The following FREM2 variants were observed in gnomAD, a reference collection of about 807,000 sequenced individuals.
The protein encoded by FREM2 is FRAS1-related extracellular matrix protein 2.
Under a neutral mutation model 219.9 loss-of-function variants are expected in FREM2, and 119 were observed. The ratio of observed to expected loss-of-function variants is 0.54; its 90% confidence interval spans 0.47 to 0.63. The LOEUF (loss-of-function observed/expected upper bound fraction) is 0.63. Among genes scored for constraint, FREM2 ranks in the 30% least tolerant of loss-of-function variants. The pLI is 0.00. For synonymous variants in FREM2, 1,562 were observed against 1,522.8 expected (o/e 1.03, Z -0.60); for missense variants, 4,030 against 3,993.6 (o/e 1.01, Z -0.25).
Position 38,769,813 on chromosome 13 carries a change from G to A in FREM2, c.5641+5G>A. 1 of 1,607,550 alleles carries A rather than the reference G, an allele frequency of 6.2e-7. No individual in the cohort carries two copies. The highest frequency in any genetic ancestry group is 8.5e-7 in the Non-Finnish European group (1 of 1,174,074). On this transcript the variant is annotated splice_donor_5th_base_variant and intron_variant, in intron 4 of 23. Transcript: ENST00000280481. ...AGATCGTTGATCCAGGAGATGGTAA[G>A]AGCCATCGTCAACTGGTTTATGTTG... is the stretch of plus-strand genomic sequence containing the variant.
At chr13:38,753,628 G>C (rs1872866383) in intron 2 of FREM2, among the ~76,000 whole-genome samples, 1 of 152,174 alleles carries the variant, frequency 6.6e-6, no homozygotes. Flanking sequence ...GTGTTAAAAT[G>C]ACAAAATTAG....
chr13:38,735,848 C>T (rs568357435), intron 2 of FREM2, among the ~76,000 whole-genome samples: 31 of 152,232 alleles, frequency 2.0e-4, no homozygotes, highest in African/African-American at 7.2e-4. Flanking sequence ...GAGGAGCCAT[C>T]GCCACCAGTA....
intron 2 of FREM2, among the ~76,000 whole-genome samples, chr13:38,762,627 C>A (rs995414570): frequency 2.6e-5 from 4 of 151,808 alleles, no homozygotes; most frequent in Admixed American, 6.6e-5. Context: ...TTAGTAGAGA[C>A]GGGGTTTCTC....
At chr13:38,796,942 G>A (rs1056005601) in intron 6 of FREM2, among the ~76,000 whole-genome samples, 1 of 151,922 alleles carries the variant, frequency 6.6e-6, no homozygotes, top group African/African-American at 2.4e-5. Context: ...GTGCAGTGGT[G>A]CAATGATAGC....
At position 38,690,243 on chromosome 13, in the gene FREM2, A is replaced by G; in HGVS notation, c.2899A>G (p.Asn967Asp). ...LENGATEITA[N>D]VIKGTNEETD... is the part of the protein sequence containing the mutation. ...AAATGGGGCTACTGAAATCACTGCC[A>G]ATGTTATTAAGGGGACCAATGAGGA... is the stretch of plus-strand genomic sequence containing the variant. The change falls in exon 1 of 24, where the codon AAT becomes GAT. Residue 967 changes from asparagine (N) to aspartate (D), a missense_variant. Physicochemically the swap from Asn to Asp is conservative, Grantham distance 23. Around this residue, in one of 2 missense-constraint regions of FREM2, gnomAD observed 3,102 missense variants for 2,950.7 expected, o/e 1.05. Transcript: ENST00000280481. 2 of 1,614,180 alleles carry G rather than the reference A, an allele frequency of 1.2e-6. No homozygotes were observed. Among genetic ancestry groups the G allele is most frequent in the Non-Finnish European group, 1.7e-6 (2 of 1,180,032 alleles).
rs1450860559 is a variant in FREM2, at chr13:38,687,383, G to T, written c.39G>T (p.Arg13=). The change falls in exon 1 of 24, where the codon CGG becomes CGT. Residue 13 remains arginine (R), a synonymous_variant. Transcript: ENST00000280481. ...GGACTCCCGGGTTATCCTCGCGCCGGACAGGCAACTCCACCAGCTTTCAAC... is the reference window on the plus strand; with the variant it reads ...GGACTCCCGGGTTATCCTCGCGCCGTACAGGCAACTCCACCAGCTTTCAAC... ...SAGTPGLSSR[R]TGNSTSFQPG... is the part of the protein sequence containing the mutation. 1 of 1,608,930 alleles carries T rather than the reference G, an allele frequency of 6.2e-7. No homozygotes were observed. Among genetic ancestry groups the T allele is most frequent in the Admixed American group, 1.7e-5 (1 of 59,596 alleles).
chr13:38,739,731 C>T (rs747477938), intron 2 of FREM2, among the ~76,000 whole-genome samples: 5 of 152,012 alleles, frequency 3.3e-5, no homozygotes, highest in Non-Finnish European at 7.4e-5. Flanking sequence ...TCATCTACTT[C>T]CCAGAGAGAT....
At chr13:38,788,660 A>G (rs1874430628) in intron 6 of FREM2, among the ~76,000 whole-genome samples, 1 of 152,018 alleles carries the variant, frequency 6.6e-6, no homozygotes, top group Non-Finnish European at 1.5e-5. Flanking sequence ...ATAATTCTCA[A>G]CGTCATTTTA....
intron 4 of FREM2, among the ~76,000 whole-genome samples, chr13:38,779,727 C>A (rs945115350): frequency 6.6e-6 from 1 of 152,226 alleles, no homozygotes; most frequent in Non-Finnish European, 1.5e-5. Context: ...GCTTTATTCA[C>A]CCTCTACTTC....
intron 8 of FREM2, among the ~76,000 whole-genome samples, chr13:38,848,933 T>C (rs563632528): frequency 2.0e-5 from 3 of 152,286 alleles, no homozygotes; most frequent in East Asian, 1.9e-4. Flanking sequence ...TCTCCTTGGC[T>C]TGAAGATGGC....
chr13:38,880,583 C>T lies in FREM2; in HGVS notation c.9306C>T (p.Leu3102=). ...CAGATGGCATCCTCCCCTGGGAGCTCAACAGCCCCAGCTCTGCAGTCAGCC... is the reference window on the plus strand; with the variant it reads ...CAGATGGCATCCTCCCCTGGGAGCTTAACAGCCCCAGCTCTGCAGTCAGCC... The part of the protein sequence containing the change: ...APPDGILPWE[L]NSPSSAVSLV... Residue 3102 remains leucine, a synonymous_variant, in exon 24 of 24, where the codon CTC becomes CTT. Coordinates refer to ENST00000280481, the MANE Select transcript of FREM2 (RefSeq NM_207361.6). 1 of 1,614,060 alleles carries T rather than the reference C, an allele frequency of 6.2e-7. No individual in the cohort carries two copies. Among genetic ancestry groups the T allele is most frequent in the Non-Finnish European group, 8.5e-7 (1 of 1,179,910 alleles).
At chr13:38,797,724 T>C (rs1286012553) in intron 6 of FREM2, among the ~76,000 whole-genome samples, 2 of 152,056 alleles carry the variant, frequency 1.3e-5, no homozygotes, top group Non-Finnish European at 1.5e-5. Context: ...CTAGTAGTTT[T>C]ATAGTTTCAT....
chr13:38,860,336 A>T (rs934024153), intron 14 of FREM2, among the ~76,000 whole-genome samples: 4 of 152,166 alleles, frequency 2.6e-5, no homozygotes, highest in Admixed American at 6.5e-5. Flanking sequence ...GTGGCTGGGG[A>T]CAACATTGGA....
chr13:38,823,143 G>A (rs1357167927), intron 6 of FREM2, among the ~76,000 whole-genome samples: 1 of 151,860 alleles, frequency 6.6e-6, no homozygotes, highest in Non-Finnish European at 1.5e-5. Flanking sequence ...CTTCCTCTCA[G>A]TCCTCACCCC....
chr13:38,696,871 G>T (rs1293797913), intron 1 of FREM2, among the ~76,000 whole-genome samples: 2 of 150,314 alleles, frequency 1.3e-5, no homozygotes, highest in Non-Finnish European at 2.9e-5. Flanking sequence ...GCAGTGGTGC[G>T]ACCTCAGCTC....
intron 6 of FREM2, among the ~76,000 whole-genome samples, chr13:38,826,602 A>G (rs1876297962): frequency 6.6e-6 from 1 of 151,984 alleles, no homozygotes; most frequent in African/African-American, 2.4e-5. Flanking sequence ...GCCTGTGGTC[A>G]AGATTACTTA....
At position 38,690,366 on chromosome 13, in the gene FREM2, G is replaced by C; in HGVS notation, c.3022G>C (p.Asp1008His). 1 of 1,614,228 alleles carries C rather than the reference G, an allele frequency of 6.2e-7. No individual in the cohort carries two copies. The highest frequency in any genetic ancestry group is 8.5e-7 in the Non-Finnish European group (1 of 1,180,044). The stretch of plus-strand genomic sequence containing the variant: ...TCCAGCAGAGCAGTTTACTCAAAGG[G>C]ACATCTTGGAGGGCTCTGTTGTATA... ...GIPAEQFTQR[D>H]ILEGSVVYTH... is the part of the protein sequence containing the mutation. Residue 1008 changes from aspartate to histidine, a missense_variant, in exon 1 of 24, where the codon GAC becomes CAC. By Grantham distance (81) the Asp-to-His change is moderately conservative. Around this residue, in one of 2 missense-constraint regions of FREM2, gnomAD observed 3,102 missense variants for 2,950.7 expected, o/e 1.05. Transcript: ENST00000280481.
chr13:38,720,836 T>A (rs1871204712), intron 2 of FREM2, among the ~76,000 whole-genome samples: 1 of 152,142 alleles, frequency 6.6e-6, no homozygotes, highest in Non-Finnish European at 1.5e-5. Flanking sequence ...GAGGGAGATG[T>A]CAGGATGTCC....
chr13:38,743,464 C>T (rs1317793411), intron 2 of FREM2, among the ~76,000 whole-genome samples: 2 of 151,928 alleles, frequency 1.3e-5, no homozygotes, highest in African/African-American at 4.8e-5. Flanking sequence ...TAGAGAGTTT[C>T]CCAAAAGAGG....
Sources: gnomAD v4.1 joint callset for allele counts (sites outside exome capture counted in the v4.1 genomes callset) on GRCh38, gnomAD v4.1.1 for gene constraint, gnomAD v4.1.1 regional missense constraint, MANE v1.5 for transcripts, NCBI Gene and HGNC (gene_info 2026-07-23, HGNC 2026-07-21) for gene names.